ZBTB7C: variants seen among roughly 807,000 people sequenced by gnomAD.
The protein encoded by ZBTB7C is zinc finger and BTB domain containing 7C, also known as zinc finger and BTB domain-containing protein 7C.
In ZBTB7C, 8 loss-of-function variants were observed where a neutral mutation model predicts 25.7. The observed-to-expected ratio is 0.31, with a 90% CI of 0.18 to 0.56. The LOEUF (loss-of-function observed/expected upper bound fraction) is 0.56, where lower values mean the gene tolerates loss of function less well. ZBTB7C is among the 20% of genes least tolerant of loss of function. The probability of loss-of-function intolerance (pLI) is 0.91; values close to 1 mark genes in which losing one functional copy is unlikely to be tolerated. For missense variants in ZBTB7C, 824 were observed against 855.2 expected (o/e 0.96, Z 0.46); for synonymous variants, 394 against 369.0 (o/e 1.07, Z -0.78).
upstream of ZBTB7C, among the ~76,000 whole-genome samples, chr18:48,411,038 C>T (rs1054451674): frequency 1.0e-4 from 15 of 146,774 alleles, no homozygotes; most frequent in Middle Eastern, 3.2e-3. Flanking sequence ...CCTAATATCA[C>T]TTATTGGGAT....
chr18:48,072,357 G>C (rs372299031), intron 3 of ZBTB7C: 1 of 152,164 alleles, frequency 6.6e-6, no homozygotes, highest in African/African-American at 2.4e-5. Context: ...GAAGCCTGGC[G>C]CTCAGGGCCA....
chr18:48,387,830 TTTG>T lies in ZBTB7C; in HGVS notation c.-304+21393_-304+21395del, dbSNP rs35932357. ...TATGCAGGTTTTTTGTTTGGTTTGG[TTTG>T]TTGTTGTTGTTGTTTGTTTGTTTGT... is the stretch of plus-strand genomic sequence containing the variant. On this transcript the variant is annotated intron_variant, in intron 1 of 4. Coordinates refer to ENST00000590800, the MANE Select transcript of ZBTB7C (RefSeq NM_001318841.2). Among the ~76,000 whole-genome samples, 40 of 144,572 alleles carry T rather than the reference TTTG, an allele frequency of 2.8e-4. 2 individuals are homozygous for T. The highest frequency in any genetic ancestry group is 7.0e-4 in the African/African-American group (27 of 38,696). The allele number at this position is 144,572 out of a possible 152,430, so 94.8% of individuals were successfully genotyped here. A position where few individuals can be genotyped will look rare whatever the true frequency, so the allele number is the denominator to read the frequency against.
At chr18:48,356,162 A>G (rs1324683966) in intron 1 of ZBTB7C, among the ~76,000 whole-genome samples, 1 of 152,142 alleles carries the variant, frequency 6.6e-6, no homozygotes, top group Non-Finnish European at 1.5e-5. Context: ...GGTTTATTCA[A>G]CAGGGTTTTC....
rs1417222737 is a variant in ZBTB7C at position 48,040,783 on chromosome 18, T to C, written c.325A>G (p.Asn109Asp). 1.5e-5 allele frequency: 25 copies of C among 1,613,900 alleles called. No homozygotes were observed. The East Asian group carries it at 5.6e-4, about 36-fold the overall frequency. Reference protein sequence around the residue: ...ITAGNVKHILNAARMLEIQCI... With the variant: ...ITAGNVKHILDAARMLEIQCI... ...TGGATCTCCAGCATCCTGGCTGCGT[T>C]GAGGATGTGCTTGACATTGCCAGCG... Residue 109 changes from asparagine to aspartate, a missense_variant, in exon 4 of 5, where the codon AAC (asparagine) becomes GAC (aspartate). This residue lies in a region of ZBTB7C where 117 missense variants were observed against 167.7 expected (regional missense o/e 0.70). Transcript: ENST00000590800.
At chr18:48,172,040 T>C (rs1599025561) in intron 3 of ZBTB7C, among the ~76,000 whole-genome samples, 1 of 152,126 alleles carries the variant, frequency 6.6e-6, no homozygotes, top group East Asian at 1.9e-4. Context: ...AGGCAGACAG[T>C]TTTGTTCACA....
intron 2 of ZBTB7C, among the ~76,000 whole-genome samples, chr18:48,329,465 G>A (rs2046296772): frequency 6.6e-6 from 1 of 152,210 alleles, no homozygotes; most frequent in Non-Finnish European, 1.5e-5. Flanking sequence ...CAGAAGGAAA[G>A]GAAACTAAAC....
intron 3 of ZBTB7C, among the ~76,000 whole-genome samples, chr18:48,081,260 C>T (rs1199651342): frequency 6.6e-6 from 1 of 152,020 alleles, no homozygotes; most frequent in Non-Finnish European, 1.5e-5. Context: ...TGCAACTGGC[C>T]CCATGACCAT....
intron 3 of ZBTB7C, among the ~76,000 whole-genome samples, chr18:48,078,457 C>T (rs981609758): frequency 6.6e-6 from 1 of 152,158 alleles, no homozygotes; most frequent in Non-Finnish European, 1.5e-5. Context: ...TTGGTACTGG[C>T]ACCTTGGCTC....
At chr18:48,159,350 G>A (rs2040932209) in intron 3 of ZBTB7C, among the ~76,000 whole-genome samples, 1 of 151,994 alleles carries the variant, frequency 6.6e-6, no homozygotes, top group Non-Finnish European at 1.5e-5. Context: ...TACCTCATAG[G>A]GATCTTACGA....
At chr18:48,313,665 C>A (rs113406334) in intron 2 of ZBTB7C, among the ~76,000 whole-genome samples, 1 of 152,130 alleles carries the variant, frequency 6.6e-6, no homozygotes, top group Non-Finnish European at 1.5e-5. Context: ...CTGCAATCTC[C>A]GGGGCATGGG....
chr18:48,303,086 A>G (rs1276093141), intron 2 of ZBTB7C, among the ~76,000 whole-genome samples: 5 of 152,174 alleles, frequency 3.3e-5, no homozygotes, highest in Non-Finnish European at 5.9e-5. Context: ...ATGTGCACCC[A>G]TGCAAGAAGA....
At chr18:48,389,812 G>A (rs1445554406) in intron 1 of ZBTB7C, among the ~76,000 whole-genome samples, 2 of 152,176 alleles carry the variant, frequency 1.3e-5, no homozygotes, top group Non-Finnish European at 2.9e-5. Context: ...GAAGAGCCCG[G>A]TACAGTGCCT....
In ZBTB7C at chr18:48,040,717, C is replaced by A. The variant is rs758879850; in HGVS notation, c.391G>T (p.Gly131Trp). ...NVCLEIMEPG[G>W]DGGEEDDKED... is the part of the protein sequence containing the mutation. ...TTGTCATCCTCCTCCCCCCCGTCCC[C>A]CCCAGGCTCCATGATCTCCAGGCAC... Residue 131 changes from glycine to tryptophan, a missense_variant, in exon 4 of 5, where the codon GGG (glycine) becomes TGG (tryptophan). Gly to Trp is a radical substitution (Grantham distance 184). This residue lies in a region of ZBTB7C where 316 missense variants were observed against 299.2 expected (regional missense o/e 1.06). Transcript: ENST00000590800. The A allele has an allele frequency of 1.2e-6, 2 of 1,614,054 alleles. No individual in the cohort carries two copies. Among genetic ancestry groups the A allele is most frequent in the African/African-American group, 1.3e-5 (1 of 75,014 alleles).
chr18:48,270,810 G>A lies in ZBTB7C; in HGVS notation c.-79+67364C>T, dbSNP rs1001023648. Among the ~76,000 whole-genome samples, 8 of 151,874 alleles carry A rather than the reference G, an allele frequency of 5.3e-5. No homozygotes were observed. In the East Asian group the frequency reaches 5.9e-4, roughly 11 times the overall value. On this transcript the variant is annotated intron_variant, in intron 2 of 4. Transcript: ENST00000590800. ...CCACCTTGGCCTCCCAAAGTGCTGC[G>A]ATTACTGGCACGCCCGGCCCTAAAC...
intron 3 of ZBTB7C, among the ~76,000 whole-genome samples, chr18:48,116,440 C>A (rs1381173497): frequency 6.6e-6 from 1 of 152,342 alleles, no homozygotes; most frequent in African/African-American, 2.4e-5. Context: ...TTTGGAGAGC[C>A]ATCCCATGCA....
Position 48,029,336 on chromosome 18 carries a change from C to T in ZBTB7C, c.1784G>A (p.Trp595Ter). The change falls in exon 5 of 5, where the codon TGG becomes TAG. Residue 595 changes from tryptophan (W) to a stop codon, truncating the protein, a stop_gained. Transcript: ENST00000590800. LOFTEE classifies it high-confidence loss of function. ...ARPYFPLPDP[W>*]AAGLAGLPGL... ...AGGGAGGCCGGCCAGGCCGGCGGCC[C>T]AAGGGTCGGGCAGCGGGAAGTAGGG... is the stretch of plus-strand genomic sequence containing the variant. 1 of 1,542,698 alleles carries T rather than the reference C, an allele frequency of 6.5e-7. No homozygotes were observed. The highest frequency in any genetic ancestry group is 8.7e-7 in the Non-Finnish European group (1 of 1,149,516).
At chr18:48,168,248 G>A (rs748777676) in intron 3 of ZBTB7C, among the ~76,000 whole-genome samples, 1 of 152,226 alleles carries the variant, frequency 6.6e-6, no homozygotes, top group Non-Finnish European at 1.5e-5. Flanking sequence ...CTTGGAAAAG[G>A]CTTACTTGCT....
intron 1 of ZBTB7C, among the ~76,000 whole-genome samples, chr18:48,371,013 C>T (rs1055074907): frequency 2.6e-5 from 4 of 152,180 alleles, no homozygotes; most frequent in Non-Finnish European, 5.9e-5. Context: ...ACTGGAAGGA[C>T]ACGAAGCCCC....
chr18:48,252,383 G>A (rs1245934907), intron 2 of ZBTB7C: 1 of 152,078 alleles, frequency 6.6e-6, no homozygotes, highest in Non-Finnish European at 1.5e-5. Context: ...AGTACATTTG[G>A]GCCTAAAGAT....
Sources: gnomAD v4.1 joint callset for allele counts (sites outside exome capture counted in the v4.1 genomes callset) on GRCh38, gnomAD v4.1.1 for gene constraint, gnomAD v4.1.1 regional missense constraint, MANE v1.5 for transcripts, NCBI Gene and HGNC (gene_info 2026-07-23, HGNC 2026-07-21) for gene names.